Variants in ESRRB observed in about 807,000 individuals in gnomAD.
ESRRB encodes the protein estrogen related receptor beta.
Under a neutral mutation model 46.0 loss-of-function variants are expected in ESRRB, and 16 were observed. The ratio of observed to expected loss-of-function variants is 0.35; its 90% CI spans 0.24 to 0.53. The LOEUF is 0.53. ESRRB is among the 20% of genes least tolerant of loss of function. The probability of loss-of-function intolerance (pLI) is 0.93; values close to 1 mark genes in which losing one functional copy is unlikely to be tolerated. For synonymous variants in ESRRB, 246 were observed against 259.6 expected (o/e 0.95, Z 0.50); for missense variants, 488 against 607.4 (o/e 0.80, Z 2.07).
intron 1 of ESRRB, among the ~76,000 whole-genome samples, chr14:76,401,750 G>A (rs1885955840): frequency 6.6e-6 from 1 of 152,158 alleles, no homozygotes; most frequent in South Asian, 2.1e-4. Flanking sequence ...GCTTGTGCAA[G>A]TACACTCTAT....
upstream of ESRRB, chr14:76,376,079 G>T: frequency 5.4e-6 from 1 of 186,666 alleles, no homozygotes; most frequent in East Asian, 1.1e-4. The surrounding 1 kb of genome is among the most constrained non-coding windows in gnomAD (Gnocchi z 4.1). Context: ...TAGCCAATAG[G>T]AGCCAAACTA....
chr14:76,356,128 T>C (rs954345681), intron 1 of ESRRB, among the ~76,000 whole-genome samples: 4 of 152,184 alleles, frequency 2.6e-5, no homozygotes, highest in Non-Finnish European at 5.9e-5. Flanking sequence ...TCACCACAAA[T>C]GGATCGGTGA....
intron 1 of ESRRB, among the ~76,000 whole-genome samples, chr14:76,317,994 T>C (rs1737249151): frequency 6.6e-6 from 1 of 152,192 alleles, no homozygotes; most frequent in African/African-American, 2.4e-5. Context: ...TTGTTTTCTG[T>C]CCTCACCTTC....
chr14:76,402,621 C>G (rs140471184), intron 1 of ESRRB, among the ~76,000 whole-genome samples: 226 of 152,306 alleles, frequency 1.5e-3, no homozygotes, highest in Non-Finnish European at 2.9e-3. Context: ...CATTTTGAGG[C>G]TTCCAGGCAC....
chr14:76,491,821 G>C, intron 6 of ESRRB, 105 bp downstream of exon 6: 2 of 1,327,012 alleles, frequency 1.5e-6, no homozygotes, highest in South Asian at 3.0e-5. Flanking sequence ...CATGGATAGA[G>C]ATGAAAGGAA....
rs139250596 is a variant in ESRRB at position 76,492,406 on chromosome 14, A to G, written c.1120+690A>G. Among the ~76,000 whole-genome samples, 632 of 152,300 alleles carry G rather than the reference A, an allele frequency of 4.1e-3. 3 individuals are homozygous for G. The highest frequency in any genetic ancestry group is 6.8e-3 in the Non-Finnish European group (464 of 68,038). ...GGTCCCAAACTCCTGGGCTCAAGCAATCCTCTCACCTCAGCCTCCCAAAGT... is the reference window on the plus strand; with the variant it reads ...GGTCCCAAACTCCTGGGCTCAAGCAGTCCTCTCACCTCAGCCTCCCAAAGT... On this transcript the variant is annotated intron_variant, in intron 6 of 6. Coordinates refer to ENST00000644823, the MANE Select transcript of ESRRB (RefSeq NM_001379180.1).
chr14:76,361,818 G>A (rs114650961), intron 1 of ESRRB, among the ~76,000 whole-genome samples: 1,811 of 152,296 alleles, frequency 0.012, 47 homozygotes, highest in African/African-American at 0.042. Context: ...ATGTGGTTGG[G>A]GAACTCCAGG....
Position 76,482,674 on chromosome 14 carries a change from G to A in ESRRB, c.765G>A (p.Glu255=), listed in dbSNP as rs79273904. Reference sequence around the variant, plus strand: ...CCATGCCTCCCCCTGGTATGCCTGAGGGGGACATCAAGGCCCTGACCACTC... The same window carrying A: ...CCATGCCTCCCCCTGGTATGCCTGAAGGGGACATCAAGGCCCTGACCACTC... ...LYAMPPPGMP[E]GDIKALTTLC... The change falls in exon 5 of 7, where the codon GAG becomes GAA. Residue 255 remains glutamate, a synonymous_variant. Coordinates refer to ENST00000644823, the MANE Select transcript of ESRRB (RefSeq NM_001379180.1). The surrounding 1 kb of genome is among the most constrained non-coding windows in gnomAD (Gnocchi z 4.3). 7.2e-4 allele frequency: 1,160 copies of A among 1,614,172 alleles called. 19 individuals carry two copies. In the East Asian group the frequency reaches 0.018, roughly 25 times the overall value.
At chr14:76,367,506 A>G (rs1423195101), upstream of ESRRB, among the ~76,000 whole-genome samples, 11 of 151,290 alleles carry the variant, frequency 7.3e-5, no homozygotes, top group East Asian at 2.1e-3. Context: ...GCAGTGAGCC[A>G]TGATCGTGCT....
chr14:76,458,446 A>ACACACACACG (rs1456355919), intron 2 of ESRRB, among the ~76,000 whole-genome samples: 8 of 118,512 alleles, frequency 6.8e-5, no homozygotes, highest in Non-Finnish European at 1.3e-4. Context: ...ACACACACAC[A>ACACACACACG]CACACACACA....
intron 3 of ESRRB, among the ~76,000 whole-genome samples, chr14:76,473,150 T>G (rs1051769282): frequency 1.3e-5 from 2 of 152,210 alleles, no homozygotes; most frequent in African/African-American, 2.4e-5. Flanking sequence ...GGATGTGTGA[T>G]CCTGAACGAG....
intron 1 of ESRRB, among the ~76,000 whole-genome samples, chr14:76,387,308 C>T (rs542297527): frequency 6.6e-6 from 1 of 152,344 alleles, no homozygotes; most frequent in South Asian, 2.1e-4. Flanking sequence ...GCCTGATGCC[C>T]TCACAGCCCC....
At chr14:76,465,763 C>T (rs923511190) in intron 3 of ESRRB, among the ~76,000 whole-genome samples, 42 of 152,228 alleles carry the variant, frequency 2.8e-4, no homozygotes, top group African/African-American at 9.4e-4. Flanking sequence ...AAGGGACAGC[C>T]ACTAGAACGC....
chr14:76,445,808 C>T (rs1888121678), intron 2 of ESRRB, among the ~76,000 whole-genome samples: 1 of 151,954 alleles, frequency 6.6e-6, no homozygotes, highest in African/African-American at 2.4e-5. Context: ...CCACAGCCTC[C>T]CAAGATAGCT....
intron 2 of ESRRB, 86 bp downstream of exon 2, chr14:76,439,836 C>G: frequency 6.9e-7 from 1 of 1,441,950 alleles, no homozygotes; most frequent in Non-Finnish European, 9.5e-7. Flanking sequence ...TAGGAATTCC[C>G]AGAGACTGCC....
chr14:76,337,267 TC>T (rs1884138734), intron 1 of ESRRB, among the ~76,000 whole-genome samples: 2 of 152,176 alleles, frequency 1.3e-5, no homozygotes, highest in Admixed American at 1.3e-4. Context: ...AGGCATCCTG[TC>T]CCATGATGTG....
intron 1 of ESRRB, among the ~76,000 whole-genome samples, chr14:76,350,404 C>T (rs1444365536): frequency 2.6e-5 from 4 of 152,098 alleles, no homozygotes; most frequent in South Asian, 2.1e-4. Context: ...CATATGCCTG[C>T]GAATGTTTGT....
intron 1 of ESRRB, among the ~76,000 whole-genome samples, chr14:76,438,995 C>T (rs902326710): frequency 1.3e-5 from 2 of 151,700 alleles, no homozygotes; most frequent in African/African-American, 4.9e-5. Flanking sequence ...GATGGGGTCT[C>T]CCTATGTTGC....
chr14:76,329,635 C>T (rs1469960488), intron 1 of ESRRB, among the ~76,000 whole-genome samples: 4 of 152,146 alleles, frequency 2.6e-5, no homozygotes, highest in Non-Finnish European at 5.9e-5. Context: ...CGCGGGCTCT[C>T]TTTTCTCCTC....
Sources: gnomAD v4.1 joint callset for allele counts (sites outside exome capture counted in the v4.1 genomes callset) on GRCh38, gnomAD v4.1.1 for gene constraint, Gnocchi (gnomAD v3.1) non-coding constraint, MANE v1.5 for transcripts, NCBI Gene and HGNC (gene_info 2026-07-23, HGNC 2026-07-21) for gene names.